Variants in SLC35F1 observed in about 807,000 individuals in gnomAD.
The protein encoded by SLC35F1 is solute carrier family 35 member F1.
Under a neutral mutation model 48.7 loss-of-function variants are expected in SLC35F1, and 14 were observed. That is an observed-to-expected ratio of 0.29 (90% CI 0.19 to 0.45). The LOEUF (loss-of-function observed/expected upper bound fraction) is 0.45, where lower values mean the gene tolerates loss of function less well. SLC35F1 is among the 20% of genes least tolerant of loss of function. The pLI is 1.00. For synonymous variants in SLC35F1, 190 were observed against 202.2 expected, an observed-to-expected ratio of 0.94 and a Z score of 0.51; for missense variants, 404 against 500.0, an observed-to-expected ratio of 0.81 and a Z score of 1.83.
chr6:118,274,059 T>C (rs756514253), intron 4 of SLC35F1, among the ~76,000 whole-genome samples: 1 of 152,182 alleles, frequency 6.6e-6, no homozygotes, highest in African/African-American at 2.4e-5. Flanking sequence ...TGCTCCCCAC[T>C]GAACAGTGAG....
intron 7 of SLC35F1, among the ~76,000 whole-genome samples, chr6:118,288,010 G>GTTT (rs752463150): frequency 2.7e-5 from 2 of 75,064 alleles, no homozygotes; most frequent in African/African-American, 1.2e-4. Context: ...CAATGATTTG[G>GTTT]GTTTTTTTTT....
At chr6:118,209,315 G>A (rs191635219) in intron 2 of SLC35F1, among the ~76,000 whole-genome samples, 11 of 152,306 alleles carry the variant, frequency 7.2e-5, no homozygotes, top group African/African-American at 2.6e-4. Context: ...TTTGGTATAG[G>A]AGTGTCAGCA....
intron 1 of SLC35F1, among the ~76,000 whole-genome samples, chr6:118,134,464 G>A (rs1360635592): frequency 2.0e-5 from 3 of 152,216 alleles, no homozygotes; most frequent in Non-Finnish European, 2.9e-5. Flanking sequence ...AAATATGCTA[G>A]TCCACAAATG....
At chr6:118,073,936 G>A (rs898204585) in intron 1 of SLC35F1, among the ~76,000 whole-genome samples, 8 of 152,032 alleles carry the variant, frequency 5.3e-5, no homozygotes, top group Non-Finnish European at 1.0e-4. Flanking sequence ...AAGAAATATG[G>A]CCCATTTTTT....
At chr6:118,143,940 G>T (rs773552973) in intron 1 of SLC35F1, among the ~76,000 whole-genome samples, 2 of 152,068 alleles carry the variant, frequency 1.3e-5, no homozygotes, top group African/African-American at 4.8e-5. Flanking sequence ...ATACCATGAT[G>T]GTTTTCTGAT....
At chr6:118,140,916 A>G (rs1254958585) in intron 1 of SLC35F1, among the ~76,000 whole-genome samples, 3 of 152,246 alleles carry the variant, frequency 2.0e-5, no homozygotes, top group East Asian at 1.9e-4. Flanking sequence ...TAGCTGTACA[A>G]TGTGTTTATG....
chr6:118,248,113 A>G (rs1442197926), intron 3 of SLC35F1, among the ~76,000 whole-genome samples: 1 of 152,366 alleles, frequency 6.6e-6, no homozygotes, highest in East Asian at 1.9e-4. Flanking sequence ...CAGAGTGACT[A>G]TCTTGAATGA....
At chr6:118,238,580 T>C (rs1161657504) in intron 3 of SLC35F1, among the ~76,000 whole-genome samples, 2 of 152,074 alleles carry the variant, frequency 1.3e-5, no homozygotes, top group African/African-American at 4.8e-5. Flanking sequence ...TTCCCATCTT[T>C]CCCCTCTACT....
chr6:118,001,669 C>A (rs1434953684), intron 1 of SLC35F1, among the ~76,000 whole-genome samples: 3 of 151,824 alleles, frequency 2.0e-5, no homozygotes, highest in Non-Finnish European at 4.4e-5. Flanking sequence ...AGGCAACCTA[C>A]AAAATGGAAG....
chr6:118,153,990 TG>T (rs1331201082), intron 1 of SLC35F1, among the ~76,000 whole-genome samples: 2 of 152,176 alleles, frequency 1.3e-5, no homozygotes, highest in African/African-American at 4.8e-5. Flanking sequence ...CTCCCTTTAT[TG>T]GTACGAGAAC....
intron 2 of SLC35F1, among the ~76,000 whole-genome samples, chr6:118,156,069 G>C (rs997992406): frequency 4.6e-5 from 7 of 152,008 alleles, no homozygotes; most frequent in Admixed American, 2.0e-4. Context: ...CTCAAAAATT[G>C]GTGCTATCAA....
At chr6:118,170,211 A>G (rs1774382019) in intron 2 of SLC35F1, among the ~76,000 whole-genome samples, 1 of 152,210 alleles carries the variant, frequency 6.6e-6, no homozygotes, top group Non-Finnish European at 1.5e-5. Flanking sequence ...ATTAAAATCA[A>G]TCCAATTTGA....
At chr6:118,134,876 T>C (rs205974) in intron 1 of SLC35F1, among the ~76,000 whole-genome samples, 5,048 of 152,260 alleles carry the variant, frequency 0.033, 207 homozygotes, top group African/African-American at 0.088. Context: ...CCTCCTCCCC[T>C]TCCTTCTACT....
chr6:117,954,827 T>G (rs1252677992), intron 1 of SLC35F1, among the ~76,000 whole-genome samples: 2 of 152,228 alleles, frequency 1.3e-5, no homozygotes, highest in Non-Finnish European at 2.9e-5. Context: ...TTCTTGTCTA[T>G]GTAAATGGCT....
chr6:118,277,969 A>G (rs1480664162), intron 6 of SLC35F1, among the ~76,000 whole-genome samples: 1 of 152,236 alleles, frequency 6.6e-6, no homozygotes, highest in Non-Finnish European at 1.5e-5. Context: ...ATGAAAGGAA[A>G]CAATGTAATG....
chr6:118,194,102 C>G (rs1305078720), intron 2 of SLC35F1, among the ~76,000 whole-genome samples: 1 of 151,900 alleles, frequency 6.6e-6, no homozygotes, highest in African/African-American at 2.4e-5. Flanking sequence ...CACAGACAGA[C>G]AGAAGAAGAT....
chr6:118,233,348 G>C (rs1775320777), intron 2 of SLC35F1, among the ~76,000 whole-genome samples: 1 of 152,218 alleles, frequency 6.6e-6, no homozygotes, highest in Non-Finnish European at 1.5e-5. Context: ...CCTGACGAAT[G>C]TGTTGATTGT....
intron 1 of SLC35F1, among the ~76,000 whole-genome samples, chr6:118,118,941 CTTT>C (rs35921856): frequency 1.0e-3 from 143 of 143,652 alleles, no homozygotes; most frequent in Non-Finnish European, 1.3e-3. Context: ...TGCTTGTTTG[CTTT>C]TTTTTTTTTT....
intron 7 of SLC35F1, among the ~76,000 whole-genome samples, chr6:118,308,399 G>A (rs1022676068): frequency 5.9e-5 from 9 of 152,168 alleles, no homozygotes; most frequent in African/African-American, 2.2e-4. Flanking sequence ...CAGGAATAAT[G>A]TGCCTGTTGA....
Sources: gnomAD v4.1 joint callset for allele counts (sites outside exome capture counted in the v4.1 genomes callset) on GRCh38, gnomAD v4.1.1 for gene constraint, MANE v1.5 for transcripts, NCBI Gene and HGNC (gene_info 2026-07-23, HGNC 2026-07-21) for gene names.